The following PDE4B variants were observed in gnomAD, a reference collection of about 807,000 sequenced individuals.
The protein encoded by PDE4B is phosphodiesterase 4B, also known as 3',5'-cyclic-AMP phosphodiesterase 4B.
In PDE4B, 20 loss-of-function variants were observed where a neutral mutation model predicts 82.2. The ratio of observed to expected loss-of-function variants is 0.24; its 90% CI spans 0.17 to 0.35. PDE4B has a LOEUF of 0.35. Ranked by LOEUF, PDE4B falls within the 10% of genes least tolerant of loss-of-function variation. The probability of loss-of-function intolerance (pLI) is 1.00; values close to 1 mark genes in which losing one functional copy is unlikely to be tolerated. For missense variants in PDE4B, 655 were observed against 907.2 expected, an observed-to-expected ratio of 0.72 and a Z score of 3.57; for synonymous variants, 320 against 318.9, an observed-to-expected ratio of 1.00 and a Z score of -0.04.
intron 7 of PDE4B, among the ~76,000 whole-genome samples, chr1:66,319,268 C>T (rs920154658): frequency 6.6e-6 from 1 of 152,194 alleles, no homozygotes; most frequent in African/African-American, 2.4e-5. Context: ...CTCCTCCTCA[C>T]CCAGCACCTT....
At position 66,346,858 on chromosome 1, in the gene PDE4B, C is replaced by T. The variant is rs779664900; in HGVS notation, c.748-8669C>T. On this transcript the variant is annotated intron_variant, in intron 8 of 16. Coordinates refer to ENST00000341517, the MANE Select transcript of PDE4B (RefSeq NM_002600.4). Reference sequence around the variant, plus strand: ...GTGGAAGAAAGAGCACACACTTGGTCTCAGACACCTTGGCAGCCACTTCAC... The same window carrying T: ...GTGGAAGAAAGAGCACACACTTGGTTTCAGACACCTTGGCAGCCACTTCAC... Among the ~76,000 whole-genome samples the T allele has an allele frequency of 3.0e-4, 45 of 152,254 alleles. No homozygotes were observed. In the Middle Eastern group the frequency reaches 0.014, roughly 46 times the overall value.
chr1:66,145,343 T>C (rs1646248773), intron 3 of PDE4B, among the ~76,000 whole-genome samples: 1 of 152,122 alleles, frequency 6.6e-6, no homozygotes, highest in African/African-American at 2.4e-5. Context: ...GCCAAGCAGA[T>C]TTGATAGTAT....
chr1:66,145,804 A>C (rs1049759778), intron 3 of PDE4B, among the ~76,000 whole-genome samples: 2 of 152,176 alleles, frequency 1.3e-5, no homozygotes, highest in Non-Finnish European at 2.9e-5. Context: ...TTTGCTTCCC[A>C]CAGTGCATTG....
chr1:66,170,849 C>A (rs1466897074), intron 3 of PDE4B, among the ~76,000 whole-genome samples: 1 of 152,120 alleles, frequency 6.6e-6, no homozygotes, highest in East Asian at 1.9e-4. Context: ...AACTGATTTA[C>A]CCTTTTGTAA....
chr1:66,194,772 T>C (rs1285842825), intron 3 of PDE4B, among the ~76,000 whole-genome samples: 3 of 152,148 alleles, frequency 2.0e-5, no homozygotes, highest in African/African-American at 7.2e-5. Context: ...TTTGTATCTA[T>C]GTGAGTTCCT....
At chr1:66,152,087 G>T (rs1278653062) in intron 3 of PDE4B, among the ~76,000 whole-genome samples, 1 of 152,142 alleles carries the variant, frequency 6.6e-6, no homozygotes, top group Admixed American at 6.5e-5. Context: ...CTGTTTAGAT[G>T]ACATCTTTTA....
At chr1:66,290,960 T>G (rs1362953827) in intron 7 of PDE4B, among the ~76,000 whole-genome samples, 1 of 152,124 alleles carries the variant, frequency 6.6e-6, no homozygotes, top group Non-Finnish European at 1.5e-5. Flanking sequence ...TGCTTTGTCT[T>G]CTACCTCACA....
intron 3 of PDE4B, among the ~76,000 whole-genome samples, chr1:66,077,467 T>G (rs1427607220): frequency 1.3e-5 from 2 of 152,166 alleles, no homozygotes; most frequent in Non-Finnish European, 1.5e-5. Flanking sequence ...CTTGATTTCC[T>G]TTATATGTTG....
intron 3 of PDE4B, among the ~76,000 whole-genome samples, chr1:66,115,230 G>T (rs561999273): frequency 6.6e-6 from 1 of 152,286 alleles, no homozygotes; most frequent in East Asian, 1.9e-4. Flanking sequence ...TCAGAGCAAT[G>T]GTTCTCTTTT....
chr1:65,854,064 A>T (rs1646363641), intron 1 of PDE4B, among the ~76,000 whole-genome samples: 1 of 147,146 alleles, frequency 6.8e-6, no homozygotes, highest in Non-Finnish European at 1.5e-5. Flanking sequence ...GATCTAAGAA[A>T]GTTGGCAATA....
intron 3 of PDE4B, among the ~76,000 whole-genome samples, chr1:66,019,736 C>G (rs541684017): frequency 6.6e-6 from 1 of 152,162 alleles, no homozygotes; most frequent in East Asian, 1.9e-4. Context: ...CAGCCAGAAA[C>G]AGAAAGGATT....
chr1:66,258,848 T>C (rs1243346551), intron 6 of PDE4B, among the ~76,000 whole-genome samples: 1 of 152,210 alleles, frequency 6.6e-6, no homozygotes, highest in Non-Finnish European at 1.5e-5. Context: ...CTGCTTTGAA[T>C]GTTTGCTTTT....
At chr1:66,038,036 A>C (rs1354064) in intron 3 of PDE4B, among the ~76,000 whole-genome samples, 17,804 of 150,702 alleles carry the variant, frequency 0.12, 1,210 homozygotes, top group Admixed American at 0.19. Context: ...AATTGGGGAC[A>C]GTTTTCCATG....
At chr1:66,088,561 GCTA>G (rs1239467259) in intron 3 of PDE4B, among the ~76,000 whole-genome samples, 1 of 151,828 alleles carries the variant, frequency 6.6e-6, no homozygotes, top group Admixed American at 6.6e-5. Flanking sequence ...TACATTTTTT[GCTA>G]CTGTGTCAGA....
chr1:66,343,311 A>G (rs930955218), intron 8 of PDE4B, among the ~76,000 whole-genome samples: 4 of 152,220 alleles, frequency 2.6e-5, no homozygotes, highest in Non-Finnish European at 4.4e-5. Context: ...GAGAATAAAG[A>G]AACAGAGGGA....
At chr1:65,909,410 C>G (rs557535012) in intron 1 of PDE4B, among the ~76,000 whole-genome samples, 2 of 152,244 alleles carry the variant, frequency 1.3e-5, no homozygotes, top group South Asian at 4.1e-4. Flanking sequence ...ACTGATAACT[C>G]TAACCTGTGA....
intron 3 of PDE4B, among the ~76,000 whole-genome samples, chr1:65,921,465 G>A (rs993346112): frequency 2.6e-5 from 4 of 152,122 alleles, no homozygotes; most frequent in African/African-American, 4.8e-5. Context: ...CTAGGACTAC[G>A]TGAGAGAAAG....
Position 66,090,621 on chromosome 1 carries a change from A to ATATGTGTGTGTG in PDE4B, c.282-156838_282-156837insATGTGTGTGTGT. ...TTATATATATATATGTATATAATAT[A>ATATGTGTGTGTG]TGTGTGTGTGTGTGTGTGTATGTAC... On this transcript the variant is annotated intron_variant, in intron 3 of 16. Transcript: ENST00000341517. Among the ~76,000 whole-genome samples, 627 of 122,690 alleles carry ATATGTGTGTGTG rather than the reference A, an allele frequency of 5.1e-3. 20 individuals are homozygous for ATATGTGTGTGTG. Among genetic ancestry groups the ATATGTGTGTGTG allele is most frequent in the African/African-American group, 0.013 (310 of 24,358 alleles). The allele number at this position is 122,690 out of a possible 152,430, so 80.5% of individuals were successfully genotyped here.
chr1:66,246,745 C>A (rs145423058), intron 3 of PDE4B, among the ~76,000 whole-genome samples: 4 of 152,284 alleles, frequency 2.6e-5, no homozygotes, highest in African/African-American at 9.6e-5. Context: ...TGACGAAGAC[C>A]GATAGGAAAC....
Sources: gnomAD v4.1 joint callset for allele counts (sites outside exome capture counted in the v4.1 genomes callset) on GRCh38, gnomAD v4.1.1 for gene constraint, MANE v1.5 for transcripts, NCBI Gene and HGNC (gene_info 2026-07-23, HGNC 2026-07-21) for gene names.